SLC30A7: variants seen among roughly 807,000 people sequenced by gnomAD.
SLC30A7 encodes the protein zinc transporter 7.
SLC30A7 carries 35 observed loss-of-function variants against 46.0 expected under a neutral mutation model. The observed-to-expected ratio is 0.76, with a 90% CI of 0.58 to 1.01. The LOEUF (loss-of-function observed/expected upper bound fraction) is 1.01, where lower values mean the gene tolerates loss of function less well. SLC30A7 is among the 50% of genes least tolerant of loss of function. The pLI, the probability that SLC30A7 is intolerant of heterozygous loss-of-function variation, is 0.00. For synonymous variants in SLC30A7, 147 were observed against 157.8 expected (o/e 0.93, Z 0.51); for missense variants, 464 against 451.1 (o/e 1.03, Z -0.26).
intron 10 of SLC30A7, among the ~76,000 whole-genome samples, chr1:100,968,622 A>G (rs1387303767): frequency 6.6e-6 from 1 of 152,164 alleles, no homozygotes; most frequent in African/African-American, 2.4e-5. Flanking sequence ...TTATACTCCA[A>G]ACCCACCAGA....
chr1:100,983,390 AC>A (rs11332655), downstream of SLC30A7, among the ~76,000 whole-genome samples: 3,420 of 111,738 alleles, frequency 0.031, 177 homozygotes, highest in African/African-American at 0.089. Context: ...AAAAAAAAAA[AC>A]AAAACAAAAC....
chr1:100,985,305 AC>A (rs1657203687), downstream of SLC30A7, among the ~76,000 whole-genome samples: 4 of 152,216 alleles, frequency 2.6e-5, no homozygotes, highest in South Asian at 4.1e-4. Context: ...GGTGATGTAC[AC>A]CTAGAGTCAA....
rs10604120 is a variant in SLC30A7 at position 100,975,828 on chromosome 1, GTTTT to G, written c.*995_*998del. On this transcript the variant is annotated 3_prime_UTR_variant, in exon 11 of 11. Transcript: ENST00000357650. ...GGTGTGAGCCACCACGCCCGGCTAT[GTTTT>G]TTTTTTTTTTTTTTTTTTTTTTTAA... is the stretch of plus-strand genomic sequence containing the variant. 0.73 allele frequency: 72,678 copies of G among 99,332 alleles called. 26,811 individuals carry two copies. Among genetic ancestry groups the G allele is most frequent in the South Asian group, 0.85 (2,369 of 2,792 alleles). 6.2% of individuals were successfully genotyped at this position (99,332 alleles called of 1,614,324 possible).
At chr1:100,912,847 C>T (rs1161727053) in intron 5 of SLC30A7, among the ~76,000 whole-genome samples, 5 of 151,272 alleles carry the variant, frequency 3.3e-5, no homozygotes, top group African/African-American at 9.7e-5. Context: ...CACTGCACTC[C>T]AACCTGGGTG....
intron 8 of SLC30A7, chr1:100,941,818 C>A: frequency 1.8e-6 from 1 of 554,428 alleles, no homozygotes. Context: ...GTGACAAACC[C>A]AAGGCCCCTG....
intron 8 of SLC30A7, among the ~76,000 whole-genome samples, chr1:100,948,500 C>T (rs527368656): frequency 8.9e-4 from 136 of 152,170 alleles, no homozygotes; most frequent in South Asian, 2.5e-3. Context: ...TCAACCTTGG[C>T]GAATCTGACA....
the SLC30A7 span, among the ~76,000 whole-genome samples, chr1:100,988,510 G>A: frequency 1.3e-5 from 2 of 152,260 alleles, no homozygotes; most frequent in South Asian, 4.2e-4. Flanking sequence ...TATACAACTG[G>A]TATTTAAATG....
intron 8 of SLC30A7, among the ~76,000 whole-genome samples, chr1:100,958,903 A>G (rs1485706282): frequency 2.6e-5 from 4 of 152,190 alleles, no homozygotes; most frequent in African/African-American, 9.7e-5. Context: ...TTTCATAGGA[A>G]CACAGAGAAG....
intron 9 of SLC30A7, 48 bp downstream of exon 9, chr1:100,961,966 C>G: frequency 8.2e-7 from 1 of 1,214,268 alleles, no homozygotes; most frequent in Non-Finnish European, 1.2e-6. Flanking sequence ...TGTTTTCAAT[C>G]TCTTGATTTT....
intron 10 of SLC30A7, among the ~76,000 whole-genome samples, chr1:100,968,604 C>T (rs1455055932): frequency 1.3e-5 from 2 of 152,250 alleles, no homozygotes; most frequent in African/African-American, 4.8e-5. Flanking sequence ...TTTTCATTGC[C>T]ACGTACTTTA....
intron 2 of SLC30A7, among the ~76,000 whole-genome samples, chr1:100,896,983 C>T (rs1449650905): frequency 6.6e-6 from 1 of 151,614 alleles, no homozygotes; most frequent in African/African-American, 2.4e-5. Flanking sequence ...CTTAGGTTTA[C>T]CCACTTTGTT....
At chr1:100,920,422 G>A (rs139974997) in intron 7 of SLC30A7, among the ~76,000 whole-genome samples, 3 of 152,050 alleles carry the variant, frequency 2.0e-5, no homozygotes, top group African/African-American at 7.2e-5. Context: ...CTATAAGTAT[G>A]TCTGACAAAA....
intron 8 of SLC30A7, among the ~76,000 whole-genome samples, chr1:100,939,875 A>G (rs918846380): frequency 7.2e-5 from 11 of 151,966 alleles, no homozygotes; most frequent in Non-Finnish European, 1.0e-4. Flanking sequence ...CAACATGTCA[A>G]TGCTTTTTGT....
intron 8 of SLC30A7, among the ~76,000 whole-genome samples, chr1:100,938,991 G>A (rs1015362204): frequency 3.9e-5 from 6 of 152,152 alleles, no homozygotes; most frequent in Non-Finnish European, 5.9e-5. Flanking sequence ...AGTCTGCAGA[G>A]TCTGTTGTTC....
intron 8 of SLC30A7, among the ~76,000 whole-genome samples, chr1:100,960,961 T>G (rs1655511642): frequency 4.1e-5 from 6 of 147,654 alleles, no homozygotes; most frequent in Admixed American, 2.0e-4. Context: ...TTTTTTTTTT[T>G]TTTTTTTTTT....
Position 100,974,986 on chromosome 1 carries a change from G to T in SLC30A7, c.*129G>T. 1.6e-6 allele frequency: 1 copy of T among 611,136 alleles called. No homozygotes were observed. Among genetic ancestry groups the T allele is most frequent in the South Asian group, 3.8e-5 (1 of 26,320 alleles). The allele number at this position is 611,136 out of a possible 1,614,324, so 37.9% of individuals were successfully genotyped here. A position where few individuals can be genotyped will look rare whatever the true frequency, so the allele number is the denominator to read the frequency against. On this transcript the variant is annotated 3_prime_UTR_variant, in exon 11 of 11. Coordinates refer to ENST00000357650, the MANE Select transcript of SLC30A7 (RefSeq NM_133496.5). ...AACTCCCGAGCACTAAGTAGACGGGGTAGAGTCAGCCGTTCATGCTTTGTG... is the reference window on the plus strand; with the variant it reads ...AACTCCCGAGCACTAAGTAGACGGGTTAGAGTCAGCCGTTCATGCTTTGTG...
intron 1 of SLC30A7, 73 bp downstream of exon 1, chr1:100,896,415 G>A: frequency 6.6e-7 from 1 of 1,522,964 alleles, no homozygotes; most frequent in Non-Finnish European, 9.1e-7. Context: ...AGGATGGCCC[G>A]AGGTCCAGTG....
intron 10 of SLC30A7, among the ~76,000 whole-genome samples, chr1:100,973,400 A>G (rs529390089): frequency 3.3e-5 from 5 of 152,286 alleles, no homozygotes; most frequent in African/African-American, 9.6e-5. Flanking sequence ...AATTAAAAAT[A>G]GATCATTTTG....
At position 100,976,422 on chromosome 1, in the gene SLC30A7, ATC is replaced by A. The variant is rs1656512451; in HGVS notation, c.*1567_*1568del. 6.6e-6 allele frequency: 1 copy of A among 152,240 alleles called. No individual in the cohort carries two copies. Among genetic ancestry groups the A allele is most frequent in the Non-Finnish European group, 1.5e-5 (1 of 68,034 alleles). The allele number at this position is 152,240 out of a possible 1,614,324, so 9.4% of individuals were successfully genotyped here. On this transcript the variant is annotated 3_prime_UTR_variant, in exon 11 of 11. Transcript: ENST00000357650. ...ATGTAGAACTTTTCCTAACACAGGT[ATC>A]TAGGAAGTAAGTGCTGAGTTGATTT...
Sources: allele counts gnomAD v4.1 joint callset (sites outside exome capture counted in the v4.1 genomes callset), GRCh38; gene constraint gnomAD v4.1.1; transcripts MANE v1.5; gene names NCBI Gene and HGNC (gene_info 2026-07-23, HGNC 2026-07-21).